The following ANKS3 variants were observed in gnomAD, a reference collection of about 807,000 sequenced individuals.
ANKS3 encodes the protein ankyrin repeat and SAM domain-containing protein 3.
Under a neutral mutation model 80.7 loss-of-function variants are expected in ANKS3, and 62 were observed. The observed-to-expected ratio is 0.77, with a 90% CI of 0.63 to 0.95. ANKS3 has a LOEUF of 0.95. Ranked by LOEUF, ANKS3 falls within the 40% of genes least tolerant of loss-of-function variation. The pLI is 0.00. For synonymous variants in ANKS3, 489 were observed against 355.3 expected (o/e 1.38, Z -4.23); for missense variants, 1,150 against 883.6 (o/e 1.30, Z -3.82).
intron 14 of ANKS3, 100 bp from the exon 15 acceptor site, chr16:4,698,162 C>T: frequency 7.3e-7 from 1 of 1,372,322 alleles, no homozygotes; most frequent in Non-Finnish European, 1.0e-6. Flanking sequence ...CAGCCCTGTC[C>T]TTGCAGCTGG....
chr16:4,701,581 C>A, intron 9 of ANKS3, 38 bp from the exon 10 acceptor site: 1 of 1,563,798 alleles, frequency 6.4e-7, no homozygotes, highest in Non-Finnish European at 8.7e-7. Context: ...CTGCAGCCCT[C>A]ACCGAGGTGC....
rs1411523814 is a variant in ANKS3 at position 4,698,963 on chromosome 16, G to A, written c.1410-22C>T. ...CAGCCTGCGGGGGGAATGTGACCAG[G>A]ATATGCCTCAGCGTCCCAAGAGCGC... On this transcript the variant is annotated intron_variant, in intron 12 of 17. Coordinates refer to ENST00000304283, the MANE Select transcript of ANKS3 (RefSeq NM_133450.4). 4 of 1,611,684 alleles carry A rather than the reference G, an allele frequency of 2.5e-6. No individual in the cohort carries two copies. In the South Asian group the frequency reaches 3.3e-5, roughly 13 times the overall value.
Position 4,733,814 on chromosome 16 carries a change from T to C in ANKS3, c.-71+124A>G, listed in dbSNP as rs933200074. 1.2e-4 allele frequency: 67 copies of C among 564,598 alleles called. No individual in the cohort carries two copies. In the African/African-American group the frequency reaches 1.3e-3, roughly 11 times the overall value. 35.0% of individuals were successfully genotyped at this position (564,598 alleles called of 1,614,324 possible). ...TAACAAATGTGATGCTGGTGGTAAC[T>C]GTCACGCCCACAGAGGAGGTCTGTG... On this transcript the variant is annotated intron_variant, in intron 1 of 17. Transcript: ENST00000304283.
Position 4,733,961 on chromosome 16 carries a change from C to A in ANKS3, c.-94G>T. 1.0e-6 allele frequency: 1 copy of A among 985,528 alleles called. No homozygotes were observed. Among genetic ancestry groups the A allele is most frequent in the Non-Finnish European group, 1.2e-6 (1 of 829,998 alleles). The allele number at this position is 985,528 out of a possible 1,614,324, so 61.0% of individuals were successfully genotyped here. A position where few individuals can be genotyped will look rare whatever the true frequency, so the allele number is the denominator to read the frequency against. On this transcript the variant is annotated 5_prime_UTR_variant, in exon 1 of 18. Coordinates refer to ENST00000304283, the MANE Select transcript of ANKS3 (RefSeq NM_133450.4). ...ACAGCAGTGACGCTTCCCGACGCCC[C>A]CCGGCCACATCCCCACAGGAACGCT...
chr16:4,721,308 A>AG (rs1278017440), intron 6 of ANKS3, among the ~76,000 whole-genome samples: 1 of 150,300 alleles, frequency 6.7e-6, no homozygotes, highest in Non-Finnish European at 1.5e-5. Context: ...CCATCTCAAA[A>AG]AAAAAAAAAA....
At chr16:4,716,020 T>C (rs1407091831) in intron 6 of ANKS3, among the ~76,000 whole-genome samples, 1 of 151,764 alleles carries the variant, frequency 6.6e-6, no homozygotes, top group African/African-American at 2.4e-5. Flanking sequence ...TGGGTGGGAG[T>C]ACCTGCGGTG....
chr16:4,716,132 C>T lies in ANKS3; in HGVS notation c.574-1946G>A, dbSNP rs546828034. On this transcript the variant is annotated intron_variant, in intron 6 of 17. Coordinates refer to ENST00000304283, the MANE Select transcript of ANKS3 (RefSeq NM_133450.4). ...CAGCACTTTGGGAGGCCGAGGTGGA[C>T]GGAGCACAAGGTCAGGAGTTCCATA... 4.2e-4 allele frequency among the ~76,000 whole-genome samples: 63 copies of T among 151,350 alleles called. 1 individual carries two copies. Among genetic ancestry groups the T allele is most frequent in the Non-Finnish European group, 1.3e-4 (9 of 67,776 alleles).
chr16:4,698,480 C>T lies in ANKS3; in HGVS notation c.1671G>A (p.Leu557=). The stretch of plus-strand genomic sequence containing the variant: ...CCCGGGCCAGGGCCCACGTCTCCCG[C>T]AGCCGGGCCTGGAGGTCCTCGCGGG... ...DRAREDLQAR[L]RETWALARDA... Residue 557 remains leucine, a synonymous_variant, in exon 14 of 18, where the codon CTG becomes CTA. Coordinates refer to ENST00000304283, the MANE Select transcript of ANKS3 (RefSeq NM_133450.4). The T allele has an allele frequency of 1.3e-6, 2 of 1,549,484 alleles. No homozygotes were observed.
chr16:4,721,802 T>C (rs2081116736), intron 6 of ANKS3, among the ~76,000 whole-genome samples: 1 of 150,878 alleles, frequency 6.6e-6, no homozygotes, highest in South Asian at 2.1e-4. Flanking sequence ...CTGTATTTTG[T>C]ATTTTTGTAT....
In ANKS3 at chr16:4,729,977, T is replaced by C. The variant is rs2081538400; in HGVS notation, c.170+3A>G. The stretch of plus-strand genomic sequence containing the variant: ...TGAGAGGAAGTTCCCCGAGATCTCT[T>C]ACCGCTGCACACACTCCTTCACCAC... On this transcript the variant is annotated splice_donor_region_variant and intron_variant, in intron 3 of 17. Transcript: ENST00000304283. 6.8e-7 allele frequency: 1 copy of C among 1,471,938 alleles called. No individual in the cohort carries two copies. Among genetic ancestry groups the C allele is most frequent in the Non-Finnish European group, 9.1e-7 (1 of 1,099,706 alleles). 91.2% of individuals were successfully genotyped at this position (1,471,938 alleles called of 1,614,324 possible).
chr16:4,699,328 G>A (rs1330646340), intron 11 of ANKS3, 152 bp from the exon 12 acceptor site: 2 of 1,082,182 alleles, frequency 1.8e-6, no homozygotes, highest in East Asian at 2.6e-5. Context: ...TACTCTGGTG[G>A]CTCAGGCAGG....
intron 6 of ANKS3, among the ~76,000 whole-genome samples, chr16:4,715,622 A>G (rs2080756276): frequency 6.6e-6 from 1 of 152,234 alleles, no homozygotes; most frequent in African/African-American, 2.4e-5. Context: ...ATCATGATAC[A>G]AAACTACATA....
At chr16:4,723,906 A>T (rs1323647082) in intron 6 of ANKS3, among the ~76,000 whole-genome samples, 1 of 151,984 alleles carries the variant, frequency 6.6e-6, no homozygotes, top group East Asian at 1.9e-4. Flanking sequence ...AAAAAAATTA[A>T]ATAATTAGCC....
At chr16:4,698,623 G>T (rs767081238) in intron 13 of ANKS3, 24 bp from the exon 14 acceptor site, 24 of 1,537,834 alleles carry the variant, frequency 1.6e-5, no homozygotes, top group Non-Finnish European at 2.1e-5. Context: ...GGGGGCGCGG[G>T]GAGGCTGGGA....
In ANKS3 at chr16:4,699,111, G is replaced by T. The variant is rs377633164; in HGVS notation, c.1350C>A (p.Asp450Glu). The stretch of plus-strand genomic sequence containing the variant: ...GGGTCAGAAAGATGCGGAGGTCCAC[G>T]TCCTGCTCCTCAAACACCTGCAGGT... The part of the protein sequence containing the change: ...LKYLQVFEEQ[D>E]VDLRIFLTLT... Residue 450 changes from aspartate (D) to glutamate (E), a missense_variant, in exon 12 of 18, where the codon GAC (aspartate) becomes GAA (glutamate). Coordinates refer to ENST00000304283, the MANE Select transcript of ANKS3 (RefSeq NM_133450.4). 7.4e-6 allele frequency: 12 copies of T among 1,614,018 alleles called. No individual in the cohort carries two copies. The African/African-American group carries it at 8.0e-5, about 11-fold the overall frequency.
chr16:4,732,889 T>C (rs2081723754), intron 1 of ANKS3, among the ~76,000 whole-genome samples: 2 of 151,846 alleles, frequency 1.3e-5, no homozygotes, highest in South Asian at 4.2e-4. Flanking sequence ...TATTCAGCCA[T>C]AAAAAAAGAA....
At chr16:4,699,003 G>C (rs1244668993) in intron 12 of ANKS3, 49 bp downstream of exon 12, 1 of 1,614,096 alleles carries the variant, frequency 6.2e-7, no homozygotes, top group Admixed American at 1.7e-5. Flanking sequence ...ATGAGTGGGA[G>C]TTTGCCCCAA....
intron 2 of ANKS3, among the ~76,000 whole-genome samples, chr16:4,730,494 A>G (rs914207053): frequency 1.3e-5 from 2 of 152,178 alleles, no homozygotes; most frequent in East Asian, 1.9e-4. Flanking sequence ...ATGGGCAGTG[A>G]AGAAATGCTA....
chr16:4,707,338 G>A (rs2080250672), intron 7 of ANKS3, among the ~76,000 whole-genome samples: 1 of 148,306 alleles, frequency 6.7e-6, no homozygotes, highest in Admixed American at 6.8e-5. Context: ...CTGGAGTGCA[G>A]TGGCACAATC....
Sources: allele counts gnomAD v4.1 joint callset (sites outside exome capture counted in the v4.1 genomes callset), GRCh38; gene constraint gnomAD v4.1.1; transcripts MANE v1.5; gene names NCBI Gene and HGNC (gene_info 2026-07-23, HGNC 2026-07-21).